OLFM3: variants seen among roughly 807,000 people sequenced by gnomAD.
OLFM3 encodes olfactomedin 3.
OLFM3 carries 20 observed loss-of-function variants against 48.6 expected under a neutral mutation model. The ratio of observed to expected loss-of-function variants is 0.41; its 90% CI spans 0.29 to 0.60. The LOEUF (loss-of-function observed/expected upper bound fraction) is 0.60. Among genes scored for constraint, OLFM3 ranks in the 20% least tolerant of loss-of-function variants. The probability of loss-of-function intolerance (pLI) is 0.28; values close to 1 mark genes in which losing one functional copy is unlikely to be tolerated. For synonymous variants in OLFM3, 222 were observed against 198.1 expected (o/e 1.12, Z -1.01); for missense variants, 437 against 544.3 (o/e 0.80, Z 1.96).
Position 101,827,388 on chromosome 1 carries a change from C to T in OLFM3, c.373-2143G>A, listed in dbSNP as rs369280531. Reference sequence around the variant, plus strand: ...TGGAGTGCAGTCAGTGGCGCGATCTCGGCTCACTGCAAACTCCACCTCCCG... The same window carrying T: ...TGGAGTGCAGTCAGTGGCGCGATCTTGGCTCACTGCAAACTCCACCTCCCG... On this transcript the variant is annotated intron_variant, in intron 3 of 5. Coordinates refer to ENST00000370103, the MANE Select transcript of OLFM3 (RefSeq NM_058170.4). Among the ~76,000 whole-genome samples, 5 of 151,908 alleles carry T rather than the reference C, an allele frequency of 3.3e-5. No homozygotes were observed. In the South Asian group the frequency reaches 1.0e-3, roughly 32 times the overall value.
chr1:101,959,408 G>C (rs1660401230), intron 1 of OLFM3, among the ~76,000 whole-genome samples: 1 of 151,240 alleles, frequency 6.6e-6, no homozygotes, highest in East Asian at 2.0e-4. Context: ...ATAAGGATGA[G>C]AAAAGACTGG....
At chr1:101,815,647 T>A (rs569180038) in intron 4 of OLFM3, among the ~76,000 whole-genome samples, 5 of 152,286 alleles carry the variant, frequency 3.3e-5, no homozygotes, top group African/African-American at 1.2e-4. Flanking sequence ...TCTAGATTTT[T>A]GGCTTGTCCA....
At chr1:101,889,159 C>T (rs74864819) in intron 1 of OLFM3, among the ~76,000 whole-genome samples, 2 of 151,956 alleles carry the variant, frequency 1.3e-5, no homozygotes, top group African/African-American at 2.4e-5. Context: ...TGGGTATACA[C>T]CCAAAGGATT....
chr1:101,815,141 G>C (rs1654266351), intron 4 of OLFM3, among the ~76,000 whole-genome samples: 1 of 152,172 alleles, frequency 6.6e-6, no homozygotes, highest in Non-Finnish European at 1.5e-5. Flanking sequence ...TCTAGCTACT[G>C]TATAGAATAT....
intron 1 of OLFM3, among the ~76,000 whole-genome samples, chr1:101,936,153 A>G (rs896144759): frequency 6.6e-6 from 1 of 152,136 alleles, no homozygotes; most frequent in African/African-American, 2.4e-5. Context: ...TGTGAAGTGC[A>G]TCAGAGAAAT....
chr1:101,823,868 T>A (rs777602996), intron 4 of OLFM3, among the ~76,000 whole-genome samples: 2 of 152,014 alleles, frequency 1.3e-5, no homozygotes, highest in South Asian at 2.1e-4. Flanking sequence ...CTGATTCATT[T>A]TGTTGGATTC....
chr1:101,815,371 C>T (rs867066883), intron 4 of OLFM3, among the ~76,000 whole-genome samples: 1 of 151,134 alleles, frequency 6.6e-6, no homozygotes, highest in African/African-American at 2.4e-5. Flanking sequence ...GGCATGAACC[C>T]GGGAGGTGGA....
At chr1:101,931,783 G>T (rs1240966827) in intron 1 of OLFM3, among the ~76,000 whole-genome samples, 1 of 152,108 alleles carries the variant, frequency 6.6e-6, no homozygotes, top group African/African-American at 2.4e-5. Context: ...GCAATCCACT[G>T]GGGTAACCTG....
chr1:101,948,684 TG>T (rs763417006), intron 1 of OLFM3, among the ~76,000 whole-genome samples: 8 of 152,000 alleles, frequency 5.3e-5, no homozygotes, highest in Non-Finnish European at 1.0e-4. Context: ...CATTCCCTGT[TG>T]CATCAAATTG....
intron 2 of OLFM3, among the ~76,000 whole-genome samples, chr1:101,831,094 A>T (rs1272424649): frequency 6.6e-6 from 1 of 152,262 alleles, no homozygotes; most frequent in Non-Finnish European, 1.5e-5. Context: ...ATACATTAGA[A>T]AAATAAGCTT....
At chr1:101,928,688 T>C (rs780138617) in intron 1 of OLFM3, among the ~76,000 whole-genome samples, 1 of 152,168 alleles carries the variant, frequency 6.6e-6, no homozygotes, top group Non-Finnish European at 1.5e-5. Flanking sequence ...ACAACAACTA[T>C]AGATGCAGCA....
chr1:101,970,873 G>A (rs548994624), intron 1 of OLFM3, among the ~76,000 whole-genome samples: 15 of 152,266 alleles, frequency 9.9e-5, no homozygotes, highest in Admixed American at 5.2e-4. Flanking sequence ...GAGGGATAGC[G>A]CGTACATAAT....
intron 1 of OLFM3, among the ~76,000 whole-genome samples, chr1:101,873,192 G>T (rs904848638): frequency 6.6e-6 from 1 of 151,846 alleles, no homozygotes; most frequent in Non-Finnish European, 1.5e-5. Context: ...TGAGAAGAGT[G>T]CCGTGTCCCT....
At chr1:101,902,176 T>C (rs527816854) in intron 1 of OLFM3, among the ~76,000 whole-genome samples, 58 of 151,702 alleles carry the variant, frequency 3.8e-4, no homozygotes, top group African/African-American at 1.3e-3. Context: ...GGAAGCCAAA[T>C]AGGGAGGGAG....
At chr1:101,941,226 G>T (rs1432141895) in intron 1 of OLFM3, among the ~76,000 whole-genome samples, 1 of 152,120 alleles carries the variant, frequency 6.6e-6, no homozygotes, top group Non-Finnish European at 1.5e-5. Flanking sequence ...AGAGTTACTG[G>T]CACCTAGGTC....
intron 1 of OLFM3, among the ~76,000 whole-genome samples, chr1:101,853,303 A>G (rs1246535410): frequency 6.6e-6 from 1 of 151,848 alleles, no homozygotes; most frequent in African/African-American, 2.4e-5. Flanking sequence ...GGAAATTACA[A>G]TCTCTCAATA....
chr1:101,976,594 T>C (rs1326884907), intron 1 of OLFM3, among the ~76,000 whole-genome samples: 1 of 152,192 alleles, frequency 6.6e-6, no homozygotes, highest in Non-Finnish European at 1.5e-5. Flanking sequence ...CTTCCCACAA[T>C]AATCTTATAA....
intron 1 of OLFM3, among the ~76,000 whole-genome samples, chr1:101,923,261 C>A (rs1274544747): frequency 6.6e-6 from 1 of 152,114 alleles, no homozygotes; most frequent in African/African-American, 2.4e-5. Flanking sequence ...GTGACTATTC[C>A]TTTGCTTTTG....
intron 2 of OLFM3, among the ~76,000 whole-genome samples, chr1:101,834,629 T>C (rs1043088953): frequency 2.6e-5 from 4 of 152,152 alleles, no homozygotes; most frequent in Middle Eastern, 3.2e-3. Context: ...TGTAAAAGAG[T>C]GCACACAATT....
Sources: gnomAD v4.1 joint callset for allele counts (sites outside exome capture counted in the v4.1 genomes callset) on GRCh38, gnomAD v4.1.1 for gene constraint, MANE v1.5 for transcripts, NCBI Gene and HGNC (gene_info 2026-07-23, HGNC 2026-07-21) for gene names.